GABRB1: variants seen among roughly 807,000 people sequenced by gnomAD.
The protein encoded by GABRB1 is gamma-aminobutyric acid receptor subunit beta-1.
In GABRB1, 17 loss-of-function variants were observed where a neutral mutation model predicts 51.6. That is an observed-to-expected ratio of 0.33 (90% CI 0.23 to 0.49). The LOEUF (loss-of-function observed/expected upper bound fraction) is 0.49, where lower values mean the gene tolerates loss of function less well. GABRB1 is among the 20% of genes least tolerant of loss of function. GABRB1 has a pLI of 0.99. For missense variants in GABRB1, 410 were observed against 600.6 expected, an observed-to-expected ratio of 0.68 and a Z score of 3.32; for synonymous variants, 247 against 218.9, an observed-to-expected ratio of 1.13 and a Z score of -1.14.
intron 1 of GABRB1, among the ~76,000 whole-genome samples, chr4:47,000,425 CTA>C (rs1358277331): frequency 6.6e-6 from 1 of 152,142 alleles, no homozygotes; most frequent in Non-Finnish European, 1.5e-5. Context: ...TAGGTGTTCA[CTA>C]TGTTACTTTT....
chr4:47,361,810 A>G (rs530737786), intron 5 of GABRB1, among the ~76,000 whole-genome samples: 1 of 152,262 alleles, frequency 6.6e-6, no homozygotes, highest in South Asian at 2.1e-4. Context: ...TGATGGGGAA[A>G]TCAAAAAGTC....
At chr4:47,068,200 T>C (rs1054629733) in intron 3 of GABRB1, among the ~76,000 whole-genome samples, 1 of 152,232 alleles carries the variant, frequency 6.6e-6, no homozygotes, top group Admixed American at 6.5e-5. Context: ...AGGGTCTTGC[T>C]CTGGATTAGG....
chr4:47,366,682 G>A (rs1578125697), intron 5 of GABRB1, among the ~76,000 whole-genome samples: 2 of 151,338 alleles, frequency 1.3e-5, no homozygotes, highest in African/African-American at 2.4e-5. Context: ...TTTTCTTCTT[G>A]CCTTCTTCAG....
At chr4:47,335,212 G>T (rs1725651737) in intron 5 of GABRB1, among the ~76,000 whole-genome samples, 1 of 152,016 alleles carries the variant, frequency 6.6e-6, no homozygotes, top group South Asian at 2.1e-4. Flanking sequence ...CATCCTGTCT[G>T]CAGTAACGAT....
intron 5 of GABRB1, among the ~76,000 whole-genome samples, chr4:47,336,368 G>A (rs1169262681): frequency 2.0e-5 from 3 of 152,192 alleles, no homozygotes; most frequent in Admixed American, 6.5e-5. Flanking sequence ...GAAAACACAA[G>A]CATGGCAATG....
At chr4:47,116,320 C>T (rs1306821944) in intron 3 of GABRB1, among the ~76,000 whole-genome samples, 1 of 152,088 alleles carries the variant, frequency 6.6e-6, no homozygotes, top group Non-Finnish European at 1.5e-5. Flanking sequence ...TTTTAATTGG[C>T]TCCCTGCAGA....
chr4:47,070,372 C>T (rs1451490504), intron 3 of GABRB1, among the ~76,000 whole-genome samples: 1 of 151,010 alleles, frequency 6.6e-6, no homozygotes, highest in Non-Finnish European at 1.5e-5. Context: ...ACTCTTTTTG[C>T]CCAGGCTAGA....
intron 4 of GABRB1, among the ~76,000 whole-genome samples, chr4:47,221,384 C>T (rs958933245): frequency 6.6e-6 from 1 of 151,938 alleles, no homozygotes; most frequent in Non-Finnish European, 1.5e-5. Flanking sequence ...AGTGACATTG[C>T]TTTGCCCAAT....
At chr4:47,041,954 G>T (rs763581858) in intron 3 of GABRB1, among the ~76,000 whole-genome samples, 12 of 151,898 alleles carry the variant, frequency 7.9e-5, no homozygotes, top group Non-Finnish European at 1.6e-4. Context: ...AATTATACTG[G>T]AGAAAGAATA....
intron 5 of GABRB1, among the ~76,000 whole-genome samples, chr4:47,333,951 T>A (rs1560338329): frequency 6.6e-6 from 1 of 152,166 alleles, no homozygotes; most frequent in South Asian, 2.1e-4. Context: ...AGGATTTAGA[T>A]TATGTGTACC....
chr4:47,165,120 T>C (rs892690573), intron 4 of GABRB1, among the ~76,000 whole-genome samples: 17 of 152,088 alleles, frequency 1.1e-4, no homozygotes, highest in Non-Finnish European at 1.5e-5. Flanking sequence ...TCATTTCCTT[T>C]CTTACTTAAA....
At chr4:47,124,201 G>C (rs1414286382) in intron 3 of GABRB1, among the ~76,000 whole-genome samples, 1 of 151,528 alleles carries the variant, frequency 6.6e-6, no homozygotes, top group African/African-American at 2.4e-5. Flanking sequence ...GGTCTTAAAG[G>C]ATGAGTAGAA....
At chr4:47,261,707 G>A (rs1312639269) in intron 4 of GABRB1, among the ~76,000 whole-genome samples, 1 of 151,896 alleles carries the variant, frequency 6.6e-6, no homozygotes, top group Non-Finnish European at 1.5e-5. Context: ...AAGTTCATAT[G>A]GAACCAAAAA....
At chr4:47,419,342 C>G (rs1459686750) in intron 8 of GABRB1, among the ~76,000 whole-genome samples, 1 of 152,152 alleles carries the variant, frequency 6.6e-6, no homozygotes, top group African/African-American at 2.4e-5. Flanking sequence ...GTGAGCCCCT[C>G]TAAGACTTGT....
chr4:47,222,545 T>C (rs1266107810), intron 4 of GABRB1, among the ~76,000 whole-genome samples: 1 of 152,044 alleles, frequency 6.6e-6, no homozygotes, highest in Non-Finnish European at 1.5e-5. Context: ...GAATATAGGG[T>C]TAAAGAGGCA....
intron 4 of GABRB1, among the ~76,000 whole-genome samples, chr4:47,261,411 G>T (rs1407291676): frequency 1.3e-5 from 2 of 152,072 alleles, no homozygotes; most frequent in Admixed American, 1.3e-4. Flanking sequence ...GACAAACAGA[G>T]AGCCAAATCA....
At chr4:47,289,239 G>A (rs1723634424) in intron 4 of GABRB1, among the ~76,000 whole-genome samples, 1 of 152,092 alleles carries the variant, frequency 6.6e-6, no homozygotes, top group African/African-American at 2.4e-5. Flanking sequence ...ATTTTCAAAA[G>A]CCTTTATTTG....
chr4:47,262,490 T>C (rs1722478835), intron 4 of GABRB1, among the ~76,000 whole-genome samples: 1 of 151,954 alleles, frequency 6.6e-6, no homozygotes, highest in Non-Finnish European at 1.5e-5. Flanking sequence ...AAAACCACAA[T>C]GAGACACCAT....
rs570306699 is a variant in GABRB1 at position 47,046,760 on chromosome 4, A to C, written c.240+14276A>C. Among the ~76,000 whole-genome samples the C allele has an allele frequency of 2.6e-5, 4 of 152,296 alleles. No homozygotes were observed. The South Asian group carries it at 8.3e-4, about 32-fold the overall frequency. ...ACCTAAATGCCCATCAATGATTGATAGACTGGATAAAGAAAATGTGGTACA... is the reference window on the plus strand; with the variant it reads ...ACCTAAATGCCCATCAATGATTGATCGACTGGATAAAGAAAATGTGGTACA... On this transcript the variant is annotated intron_variant, in intron 3 of 8. Coordinates refer to ENST00000295454, the MANE Select transcript of GABRB1 (RefSeq NM_000812.4).
Sources: gnomAD v4.1 joint callset for allele counts (sites outside exome capture counted in the v4.1 genomes callset) on GRCh38, gnomAD v4.1.1 for gene constraint, MANE v1.5 for transcripts, NCBI Gene and HGNC (gene_info 2026-07-23, HGNC 2026-07-21) for gene names.